Variants in ADAMTS16 observed in about 807,000 individuals in gnomAD.
ADAMTS16 encodes the protein A disintegrin and metalloproteinase with thrombospondin motifs 16.
A neutral mutation model predicts 145.8 loss-of-function variants in ADAMTS16; 94 were observed. That is an observed-to-expected ratio of 0.64 (90% CI 0.55 to 0.77). The LOEUF is 0.77. Among genes scored for constraint, ADAMTS16 ranks in the 30% least tolerant of loss-of-function variants. ADAMTS16 has a pLI of 0.00. For synonymous variants in ADAMTS16, 659 were observed against 604.3 expected (o/e 1.09, Z -1.33); for missense variants, 1,585 against 1,591.5 (o/e 1.00, Z 0.07).
intron 18 of ADAMTS16, among the ~76,000 whole-genome samples, chr5:5,287,182 A>G (rs1739137960): frequency 6.6e-6 from 1 of 152,182 alleles, no homozygotes; most frequent in Non-Finnish European, 1.5e-5. Context: ...ATCAAGAAAG[A>G]TGACTCCAAT....
chr5:5,234,122 C>T (rs1003472563), intron 12 of ADAMTS16, among the ~76,000 whole-genome samples: 44 of 152,334 alleles, frequency 2.9e-4, no homozygotes, highest in African/African-American at 1.0e-3. Flanking sequence ...ATCTTTAAAG[C>T]ATGAGCTCAC....
intron 20 of ADAMTS16, 134 bp from the exon 21 acceptor site, chr5:5,306,370 C>G (rs1740153309): frequency 1.3e-6 from 1 of 789,056 alleles, no homozygotes; most frequent in African/African-American, 1.7e-5. Context: ...CTTAAAAATG[C>G]TAAGGTCCAA....
intron 18 of ADAMTS16, among the ~76,000 whole-genome samples, chr5:5,276,308 C>T (rs192792036): frequency 3.5e-4 from 53 of 152,232 alleles, no homozygotes; most frequent in Non-Finnish European, 5.3e-4. Context: ...TCATTTCTAA[C>T]GAATCTGTAG....
At chr5:5,212,625 C>G (rs1333151035) in intron 10 of ADAMTS16, among the ~76,000 whole-genome samples, 1 of 152,084 alleles carries the variant, frequency 6.6e-6, no homozygotes, top group Non-Finnish European at 1.5e-5. Context: ...TAGGATTGCT[C>G]TTTGCATGAT....
intron 14 of ADAMTS16, 105 bp downstream of exon 14, chr5:5,237,204 C>T: frequency 8.0e-7 from 1 of 1,257,414 alleles, no homozygotes; most frequent in Non-Finnish European, 1.1e-6. Context: ...ACAAGCCTTT[C>T]CCTCTAAGTT....
intron 4 of ADAMTS16, among the ~76,000 whole-genome samples, 175 bp from the exon 5 acceptor site, chr5:5,185,877 A>G (rs1356005900): frequency 1.3e-5 from 2 of 152,232 alleles, no homozygotes; most frequent in South Asian, 2.1e-4. Flanking sequence ...CATGAATTTT[A>G]CTTAAATTTA....
At chr5:5,294,041 ATATAT>A (rs1329524616) in intron 18 of ADAMTS16, among the ~76,000 whole-genome samples, 1 of 152,186 alleles carries the variant, frequency 6.6e-6, no homozygotes, top group African/African-American at 2.4e-5. Flanking sequence ...GGAGTGTTTC[ATATAT>A]TATAGTAATG....
intron 9 of ADAMTS16, among the ~76,000 whole-genome samples, chr5:5,204,251 A>G (rs1329269643): frequency 6.6e-6 from 1 of 152,216 alleles, no homozygotes; most frequent in East Asian, 1.9e-4. Context: ...TTCACCACTT[A>G]GAGTGGGAAA....
chr5:5,207,050 A>G (rs1442994964), intron 9 of ADAMTS16, among the ~76,000 whole-genome samples: 15 of 152,190 alleles, frequency 9.9e-5, no homozygotes, highest in Admixed American at 4.6e-4. Flanking sequence ...GCCTCTCCAT[A>G]TAAACTTTGG....
chr5:5,207,593 G>C (rs1439134394), intron 9 of ADAMTS16, among the ~76,000 whole-genome samples: 1 of 152,060 alleles, frequency 6.6e-6, no homozygotes, highest in African/African-American at 2.4e-5. Flanking sequence ...GTGGTAAGAG[G>C]AGTCATTCTT....
intron 18 of ADAMTS16, among the ~76,000 whole-genome samples, chr5:5,290,391 A>G (rs1739262410): frequency 6.6e-6 from 1 of 152,202 alleles, no homozygotes; most frequent in African/African-American, 2.4e-5. Context: ...GTGGTGGCTC[A>G]TGCGTGTAAT....
chr5:5,208,982 T>A (rs1736202596), intron 9 of ADAMTS16, 111 bp from the exon 10 acceptor site: 1 of 1,221,052 alleles, frequency 8.2e-7, no homozygotes, highest in South Asian at 1.8e-5. Flanking sequence ...CTCCTCTTTG[T>A]ATACACAATA....
chr5:5,172,894 T>A (rs1186601234), intron 3 of ADAMTS16, among the ~76,000 whole-genome samples: 2 of 152,198 alleles, frequency 1.3e-5, no homozygotes, highest in African/African-American at 4.8e-5. Flanking sequence ...TTTTTATATC[T>A]GGGTGCTGCA....
chr5:5,150,345 C>A (rs576853025), intron 3 of ADAMTS16, among the ~76,000 whole-genome samples: 1 of 152,090 alleles, frequency 6.6e-6, no homozygotes. Context: ...AGACAGCAAC[C>A]CCCACACACA....
In ADAMTS16 at chr5:5,186,245, C is replaced by T; in HGVS notation, c.957C>T (p.Leu319=). 6.2e-7 allele frequency: 1 copy of T among 1,613,294 alleles called. No individual in the cohort carries two copies. Among genetic ancestry groups the T allele is most frequent in the Non-Finnish European group, 8.5e-7 (1 of 1,180,000 alleles). ...ENITTYVLTI[L]NMVSALFKDG... is the part of the protein sequence containing the mutation. ...TCACCACCTACGTGCTCACGATACTCAACATGGTAGGATCATCCTTCCAGT... is the reference window on the plus strand; with the variant it reads ...TCACCACCTACGTGCTCACGATACTTAACATGGTAGGATCATCCTTCCAGT... The change falls in exon 5 of 23, where the codon CTC becomes CTT. Residue 319 remains leucine (L), a synonymous_variant. Coordinates refer to ENST00000274181, the MANE Select transcript of ADAMTS16 (RefSeq NM_139056.4).
At chr5:5,167,804 C>T (rs904905851) in intron 3 of ADAMTS16, among the ~76,000 whole-genome samples, 2 of 152,216 alleles carry the variant, frequency 1.3e-5, no homozygotes, top group African/African-American at 4.8e-5. Flanking sequence ...GTAGTAGCCA[C>T]CCGCCACATG....
At chr5:5,237,246 C>T (rs1737135987) in intron 14 of ADAMTS16, 147 bp downstream of exon 14, 1 of 775,402 alleles carries the variant, frequency 1.3e-6, no homozygotes, top group Non-Finnish European at 2.0e-6. Flanking sequence ...CAGAAGAACA[C>T]ATTGATGACA....
At chr5:5,151,313 A>G (rs1253009801) in intron 3 of ADAMTS16, among the ~76,000 whole-genome samples, 1 of 151,738 alleles carries the variant, frequency 6.6e-6, no homozygotes, top group African/African-American at 2.4e-5. Flanking sequence ...ATCTCAGCTC[A>G]CTGCAACCTC....
intron 17 of ADAMTS16, among the ~76,000 whole-genome samples, chr5:5,243,201 T>C (rs1737348533): frequency 6.6e-6 from 1 of 152,272 alleles, no homozygotes; most frequent in South Asian, 2.1e-4. Flanking sequence ...GCTTGACATA[T>C]GTTCATTCTT....
Sources: allele counts gnomAD v4.1 joint callset (sites outside exome capture counted in the v4.1 genomes callset), GRCh38; gene constraint gnomAD v4.1.1; transcripts MANE v1.5; gene names NCBI Gene and HGNC (gene_info 2026-07-23, HGNC 2026-07-21).